The following LZTR1 variants were observed in gnomAD, a reference collection of about 807,000 sequenced individuals.
LZTR1 encodes the protein leucine zipper like post translational regulator 1.
In LZTR1, 260 loss-of-function variants were observed where a neutral mutation model predicts 105.7. That is an observed-to-expected ratio of 2.46 (90% CI 2.22 to 2.72). LZTR1 has a LOEUF of 2.72. LZTR1 is among the 30% of genes most tolerant of loss of function. LZTR1 has a pLI of 0.00. For synonymous variants in LZTR1, 490 were observed against 476.4 expected (o/e 1.03, Z -0.37); for missense variants, 1,214 against 1,166.9 (o/e 1.04, Z -0.59).
Position 20,996,899 on chromosome 22 carries a change from C to T in LZTR1, c.2339C>T (p.Ala780Val). ...VQNVLQILEA[A>V]DKTQALDMKR... ...CTGCCATTGCAGATCCTGGAGGCAGCTGACAAAACGCAGGCACTGGACATG... is the reference window on the plus strand; with the variant it reads ...CTGCCATTGCAGATCCTGGAGGCAGTTGACAAAACGCAGGCACTGGACATG... Residue 780 changes from alanine (A) to valine (V), a missense_variant, in exon 20 of 21, where the codon GCT becomes GTT. Coordinates refer to ENST00000646124, the MANE Select transcript of LZTR1 (RefSeq NM_006767.4). 3 of 1,612,106 alleles carry T rather than the reference C, an allele frequency of 1.9e-6. No individual in the cohort carries two copies. Among genetic ancestry groups the T allele is most frequent in the Non-Finnish European group, 2.5e-6 (3 of 1,178,788 alleles).
At chr22:20,990,654 G>T in intron 8 of LZTR1, 129 bp downstream of exon 8, 2 of 1,003,492 alleles carry the variant, frequency 2.0e-6, no homozygotes, top group Non-Finnish European at 1.5e-6. Flanking sequence ...ACAGCAGGAG[G>T]TTACAGCCCG....
At position 20,982,367 on chromosome 22, in the gene LZTR1, C is replaced by T. The variant is rs896208899; in HGVS notation, c.-5C>T. 1.1e-5 allele frequency: 17 copies of T among 1,548,484 alleles called. No individual in the cohort carries two copies. Among genetic ancestry groups the T allele is most frequent in the Non-Finnish European group, 1.5e-5 (17 of 1,145,456 alleles). On this transcript the variant is annotated 5_prime_UTR_variant, in exon 1 of 21. Coordinates refer to ENST00000646124, the MANE Select transcript of LZTR1 (RefSeq NM_006767.4). ...ACAGCGCGGCCGATCCGGCGTGGAC[C>T]CGGGATGGCTGGACCGGGCAGCACG...
intron 4 of LZTR1, 71 bp from the exon 5 acceptor site, chr22:20,987,938 CT>C: frequency 1.1e-6 from 1 of 926,354 alleles, no homozygotes; most frequent in South Asian, 1.5e-5. Context: ...CCAGATTCTG[CT>C]CCACCTTCCA....
intron 2 of LZTR1, 147 bp from the exon 3 acceptor site, chr22:20,985,694 C>T (rs765970510): frequency 1.0e-5 from 7 of 672,854 alleles, no homozygotes; most frequent in Non-Finnish European, 1.6e-5. Flanking sequence ...CACTCTTGTT[C>T]TTGGGCATCA....
intron 8 of LZTR1, 35 bp downstream of exon 8, chr22:20,990,560 G>A (rs538600908): frequency 1.2e-5 from 19 of 1,574,558 alleles, no homozygotes; most frequent in East Asian, 2.2e-5. Context: ...GAGGGAGGAC[G>A]GTCAGTTCCC....
intron 3 of LZTR1, chr22:20,987,168 C>T (rs1028607725): frequency 3.0e-5 from 6 of 199,932 alleles, no homozygotes; most frequent in South Asian, 1.6e-4. Flanking sequence ...CTGAGGTGGG[C>T]GGATCACCTG....
Position 20,992,268 on chromosome 22 carries a change from C to T in LZTR1, c.1048C>T (p.Leu350=), listed in dbSNP as rs199565862. 12 of 1,614,028 alleles carry T rather than the reference C, an allele frequency of 7.4e-6. No homozygotes were observed. The East Asian group carries it at 2.7e-4, about 36-fold the overall frequency. The part of the protein sequence containing the change: ...RACASEEVPT[L]TYEERVGFKK... Reference sequence around the variant, plus strand: ...CTGTGCTTCCGAGGAGGTGCCCACCCTGACCTATGAGGAGCGGGTTGGCTT... The same window carrying T: ...CTGTGCTTCCGAGGAGGTGCCCACCTTGACCTATGAGGAGCGGGTTGGCTT... The change falls in exon 10 of 21, where the codon CTG becomes TTG. Residue 350 remains leucine (L), a synonymous_variant. Coordinates refer to ENST00000646124, the MANE Select transcript of LZTR1 (RefSeq NM_006767.4).
At position 20,997,565 on chromosome 22, in the gene LZTR1, C is replaced by A; in HGVS notation, c.*217C>A. ...GTCCCACAGGGAGCGGATGATGAAG[C>A]AGACCCCCTCCTGTCATCACCCTCT... On this transcript the variant is annotated 3_prime_UTR_variant, in exon 21 of 21. Transcript: ENST00000646124. 1.9e-6 allele frequency: 1 copy of A among 518,970 alleles called. No individual in the cohort carries two copies. Among genetic ancestry groups the A allele is most frequent in the Non-Finnish European group, 3.5e-6 (1 of 285,546 alleles). 32.1% of individuals were successfully genotyped at this position (518,970 alleles called of 1,614,324 possible).
intron 14 of LZTR1, 35 bp from the exon 15 acceptor site, chr22:20,994,523 C>A (rs1248208899): frequency 1.3e-6 from 2 of 1,598,124 alleles, no homozygotes; most frequent in Non-Finnish European, 1.7e-6. Context: ...CCTCCCCTCT[C>A]CGGCTCCCTG....
In LZTR1 at chr22:20,995,830, AC is replaced by A. The variant is rs2147969359; in HGVS notation, c.2030del (p.Pro677HisfsTer30). On this transcript the variant is annotated frameshift_variant, in exon 17 of 21. Coordinates refer to ENST00000646124, the MANE Select transcript of LZTR1 (RefSeq NM_006767.4). LOFTEE classifies it high-confidence loss of function. The part of the protein sequence containing the change: ...FCDITLLLDG[H>X]PRPAHKAILA... ...GACATCACTCTGTTGCTTGACGGGC[AC>A]CCACGGCCAGCCCACAAGGCTATCC... 6.2e-7 allele frequency: 1 copy of A among 1,612,766 alleles called. No homozygotes were observed. Among genetic ancestry groups the A allele is most frequent in the Non-Finnish European group, 8.5e-7 (1 of 1,179,904 alleles).
intron 14 of LZTR1, 103 bp from the exon 15 acceptor site, chr22:20,994,455 A>G (rs1412512710): frequency 7.3e-7 from 1 of 1,364,990 alleles, no homozygotes; most frequent in African/African-American, 1.4e-5. Context: ...CCTTGTTCCT[A>G]CCTAGTGGCC....
intron 6 of LZTR1, among the ~76,000 whole-genome samples, 170 bp downstream of exon 6, chr22:20,989,042 G>A (rs751337306): frequency 1.9e-4 from 29 of 152,146 alleles, no homozygotes; most frequent in Non-Finnish European, 3.8e-4. Flanking sequence ...GAGGAGGATG[G>A]ACAGATGGAG....
intron 2 of LZTR1, among the ~76,000 whole-genome samples, chr22:20,984,779 C>G (rs1473884968): frequency 6.6e-6 from 1 of 152,312 alleles, no homozygotes; most frequent in Admixed American, 6.5e-5. Context: ...TCAGGGGGCA[C>G]CCAGCACAGG....
chr22:20,983,863 G>A (rs976915095), intron 2 of LZTR1, among the ~76,000 whole-genome samples: 4 of 152,142 alleles, frequency 2.6e-5, no homozygotes, highest in African/African-American at 9.7e-5. Flanking sequence ...AGCCGGTGGG[G>A]CCCATTTACA....
intron 1 of LZTR1, 80 bp downstream of exon 1, chr22:20,982,651 G>A (rs1924239108): frequency 1.4e-6 from 2 of 1,401,066 alleles, no homozygotes; most frequent in East Asian, 4.8e-5. Context: ...GGCGAAGCCG[G>A]GGGGTGGTGT....
intron 1 of LZTR1, 139 bp downstream of exon 1, chr22:20,982,710 GT>G: frequency 1.2e-6 from 1 of 846,198 alleles, no homozygotes; most frequent in South Asian, 1.6e-5. Flanking sequence ...ACAGGACGCT[GT>G]TCAGGGCAGG....
chr22:20,982,651 G>C, intron 1 of LZTR1, 80 bp downstream of exon 1: 1 of 1,401,066 alleles, frequency 7.1e-7, no homozygotes, highest in Non-Finnish European at 9.9e-7. Context: ...GGCGAAGCCG[G>C]GGGGTGGTGT....
At position 20,988,108 on chromosome 22, in the gene LZTR1, A is replaced by C. The variant is rs778265576; in HGVS notation, c.499A>C (p.Ile167Leu). ...FATGQWTEWK[I>L]EGRLPVARSA... Reference sequence around the variant, plus strand: ...AACTGGCCAGTGGACGGAGTGGAAAATTGAAGGACGGTGAGAAACTTTGCA... The same window carrying C: ...AACTGGCCAGTGGACGGAGTGGAAACTTGAAGGACGGTGAGAAACTTTGCA... Residue 167 changes from isoleucine (I) to leucine (L), a missense_variant, in exon 5 of 21, where the codon ATT becomes CTT. Physicochemically the swap from Ile to Leu is conservative, Grantham distance 5. Coordinates refer to ENST00000646124, the MANE Select transcript of LZTR1 (RefSeq NM_006767.4). The C allele has an allele frequency of 4.4e-6, 7 of 1,607,596 alleles. No individual in the cohort carries two copies. Among genetic ancestry groups the C allele is most frequent in the Non-Finnish European group, 6.0e-6 (7 of 1,174,282 alleles).
chr22:20,983,314 A>G (rs1387031048), intron 2 of LZTR1, among the ~76,000 whole-genome samples: 2 of 152,230 alleles, frequency 1.3e-5, no homozygotes, highest in Non-Finnish European at 2.9e-5. Flanking sequence ...TGGGTGGCAC[A>G]TGCTCAGTAT....
Sources: allele counts gnomAD v4.1 joint callset (sites outside exome capture counted in the v4.1 genomes callset), GRCh38; gene constraint gnomAD v4.1.1; transcripts MANE v1.5; gene names NCBI Gene and HGNC (gene_info 2026-07-23, HGNC 2026-07-21).